SCAF4: variants seen among roughly 807,000 people sequenced by gnomAD.
SCAF4 encodes the protein SR-related and CTD-associated factor 4.
SCAF4 carries 25 observed loss-of-function variants against 129.8 expected under a neutral mutation model. The ratio of observed to expected loss-of-function variants is 0.19; its 90% CI spans 0.14 to 0.27. SCAF4 has a LOEUF of 0.27. SCAF4 is among the 10% of genes least tolerant of loss of function. SCAF4 has a pLI of 1.00. For synonymous variants in SCAF4, 551 were observed against 497.7 expected, an observed-to-expected ratio of 1.11 and a Z score of -1.43; for missense variants, 1,246 against 1,457.1, an observed-to-expected ratio of 0.86 and a Z score of 2.36.
At chr21:31,698,937 T>C (rs1373566248) in intron 7 of SCAF4, among the ~76,000 whole-genome samples, 6 of 152,206 alleles carry the variant, frequency 3.9e-5, no homozygotes, top group Non-Finnish European at 7.3e-5. Context: ...CAGATGCAGA[T>C]GTAGATTCAA....
chr21:31,678,109 T>A (rs527691296), intron 19 of SCAF4, among the ~76,000 whole-genome samples: 15 of 152,312 alleles, frequency 9.8e-5, no homozygotes, highest in African/African-American at 3.1e-4. Context: ...ATTATCTTTA[T>A]CTGCTGAAGA....
chr21:31,672,408 T>C, intron 19 of SCAF4, 54 bp from the exon 20 acceptor site: 1 of 1,321,744 alleles, frequency 7.6e-7, no homozygotes. Context: ...GCACTCCAGT[T>C]TCAGCTGTGT....
At chr21:31,685,522 A>G (rs1002417628) in intron 17 of SCAF4, 38 bp from the exon 18 acceptor site, 7 of 1,613,278 alleles carry the variant, frequency 4.3e-6, no homozygotes, top group Non-Finnish European at 5.9e-6. Context: ...ATGCTGTATC[A>G]CTCCATCGCA....
intron 19 of SCAF4, among the ~76,000 whole-genome samples, chr21:31,680,166 A>G (rs1159020987): frequency 3.3e-5 from 5 of 152,148 alleles, no homozygotes; most frequent in African/African-American, 4.8e-5. Flanking sequence ...TCAGACTTGC[A>G]CTCTGGAGCA....
Position 31,691,826 on chromosome 21 carries a change from T to C in SCAF4, c.1719A>G (p.Lys573=), listed in dbSNP as rs953480500. The change falls in exon 14 of 20, where the codon AAA becomes AAG. Residue 573 remains lysine, a synonymous_variant. Transcript: ENST00000286835. ...LSRGNYKVNQ[K]SIKIAWALNK... ...ACATGTAAGACTGTACCTTTATGGA[T>C]TTCTGGTTCACTTTATAGTTTCCTC... 6.3e-6 allele frequency: 10 copies of C among 1,580,882 alleles called. No homozygotes were observed. The highest frequency in any genetic ancestry group is 5.4e-5 in the African/African-American group (4 of 73,758).
intron 19 of SCAF4, among the ~76,000 whole-genome samples, chr21:31,680,795 T>G (rs1001304457): frequency 6.6e-6 from 1 of 152,192 alleles, no homozygotes; most frequent in Non-Finnish European, 1.5e-5. Context: ...CTAAAAAATC[T>G]AAAATTCTAG....
intron 12 of SCAF4, 109 bp from the exon 13 acceptor site, chr21:31,692,558 C>A: frequency 1.5e-6 from 1 of 657,162 alleles, no homozygotes; most frequent in Non-Finnish European, 2.6e-6. Flanking sequence ...TATTACAACA[C>A]CACAAGTTTA....
chr21:31,720,873 A>G (rs1451972619), intron 1 of SCAF4, among the ~76,000 whole-genome samples: 2 of 152,252 alleles, frequency 1.3e-5, no homozygotes, highest in Non-Finnish European at 2.9e-5. Context: ...AATAATTTAC[A>G]GAGCCATGCA....
chr21:31,676,415 C>T (rs2049857549), intron 19 of SCAF4, among the ~76,000 whole-genome samples: 1 of 152,162 alleles, frequency 6.6e-6, no homozygotes, highest in Non-Finnish European at 1.5e-5. Flanking sequence ...TAATCCTTAC[C>T]TGCTCTGGAG....
intron 1 of SCAF4, among the ~76,000 whole-genome samples, chr21:31,713,154 TA>T (rs2050845625): frequency 6.6e-6 from 1 of 152,220 alleles, no homozygotes; most frequent in Non-Finnish European, 1.5e-5. Context: ...TAATCTTAAA[TA>T]AAAGAGTTAA....
intron 1 of SCAF4, among the ~76,000 whole-genome samples, chr21:31,722,743 C>T (rs993277484): frequency 1.3e-5 from 2 of 152,028 alleles, no homozygotes; most frequent in Non-Finnish European, 2.9e-5. Context: ...ATCACGAGGT[C>T]CAAGTTCAGG....
Position 31,732,037 on chromosome 21 carries a change from C to G in SCAF4, c.-345G>C, listed in dbSNP as rs539329286. On this transcript the variant is annotated 5_prime_UTR_variant, in exon 1 of 20. Transcript: ENST00000286835. ...CACGCACTGGCTCACACTGGCCCGG[C>G]CGGCGAGCGGGCGGGCCTCTCTCTC... The G allele has an allele frequency of 2.3e-5, 10 of 431,732 alleles. No individual in the cohort carries two copies. The highest frequency in any genetic ancestry group is 3.2e-5 in the Non-Finnish European group (8 of 247,938). The allele number at this position is 431,732 out of a possible 1,614,324, so 26.7% of individuals were successfully genotyped here.
chr21:31,694,773 C>G, intron 10 of SCAF4, 40 bp downstream of exon 10: 1 of 1,594,548 alleles, frequency 6.3e-7, no homozygotes. Flanking sequence ...TAAGTCAAGG[C>G]AACAAAAAAA....
intron 19 of SCAF4, 37 bp from the exon 20 acceptor site, chr21:31,672,391 G>C (rs1436452252): frequency 6.9e-7 from 1 of 1,456,844 alleles, no homozygotes; most frequent in Non-Finnish European, 9.6e-7. Flanking sequence ...AAACACCACC[G>C]AAGATGGCAC....
intron 1 of SCAF4, 30 bp from the exon 2 acceptor site, chr21:31,706,387 A>C: frequency 6.9e-7 from 1 of 1,448,376 alleles, no homozygotes. Context: ...ACAAAAAGTA[A>C]AGTTTAACTA....
chr21:31,714,501 C>T (rs1568859243), intron 1 of SCAF4, among the ~76,000 whole-genome samples: 1 of 152,162 alleles, frequency 6.6e-6, no homozygotes, highest in Non-Finnish European at 1.5e-5. Flanking sequence ...CACTGCCCTG[C>T]TGCATGACAT....
intron 19 of SCAF4, among the ~76,000 whole-genome samples, chr21:31,683,467 C>T (rs540925669): frequency 5.9e-5 from 9 of 152,332 alleles, no homozygotes; most frequent in East Asian, 1.9e-4. Context: ...CTACTTACTA[C>T]GCTTCACAGT....
At chr21:31,710,302 A>C (rs1384124708) in intron 1 of SCAF4, among the ~76,000 whole-genome samples, 1 of 152,126 alleles carries the variant, frequency 6.6e-6, no homozygotes, top group Admixed American at 6.5e-5. Flanking sequence ...TAATCCCAGC[A>C]CTTTGGGAGG....
At chr21:31,717,874 T>TAC (rs1402072429) in intron 1 of SCAF4, among the ~76,000 whole-genome samples, 23 of 73,204 alleles carry the variant, frequency 3.1e-4, no homozygotes, top group Non-Finnish European at 4.3e-4. Flanking sequence ...CACACACATA[T>TAC]ACACATATAT....
Sources: allele counts gnomAD v4.1 joint callset (sites outside exome capture counted in the v4.1 genomes callset), GRCh38; gene constraint gnomAD v4.1.1; transcripts MANE v1.5; gene names NCBI Gene and HGNC (gene_info 2026-07-23, HGNC 2026-07-21).